CAPS2: variants seen among roughly 807,000 people sequenced by gnomAD.
CAPS2 encodes the protein calcyphosin-2.
Under a neutral mutation model 86.5 loss-of-function variants are expected in CAPS2, and 98 were observed. The observed-to-expected ratio is 1.13, with a 90% CI of 0.96 to 1.34. The LOEUF (loss-of-function observed/expected upper bound fraction) is 1.34, where lower values mean the gene tolerates loss of function less well. CAPS2 is among the 40% of genes most tolerant of loss of function. The pLI, the probability that CAPS2 is intolerant of heterozygous loss-of-function variation, is 0.00. For synonymous variants in CAPS2, 210 were observed against 225.1 expected (o/e 0.93, Z 0.60); for missense variants, 729 against 686.8 (o/e 1.06, Z -0.69).
At chr12:75,390,128 T>C (rs1025287778) in intron 1 of CAPS2, among the ~76,000 whole-genome samples, 6 of 152,248 alleles carry the variant, frequency 3.9e-5, no homozygotes, top group Non-Finnish European at 8.8e-5. Flanking sequence ...ATATGTAATA[T>C]GCAAACGTGT....
At chr12:75,382,076 T>C (rs2045025291) in intron 1 of CAPS2, among the ~76,000 whole-genome samples, 1 of 152,176 alleles carries the variant, frequency 6.6e-6, no homozygotes, top group Non-Finnish European at 1.5e-5. Context: ...CTTTTCTCCT[T>C]TAATGCTTCT....
At chr12:75,297,343 T>C (rs1243054898) in intron 11 of CAPS2, among the ~76,000 whole-genome samples, 1 of 152,196 alleles carries the variant, frequency 6.6e-6, no homozygotes, top group Non-Finnish European at 1.5e-5. Context: ...GTGTATAGTG[T>C]ATTTAAGTAT....
intron 1 of CAPS2, among the ~76,000 whole-genome samples, chr12:75,386,953 AC>A (rs2045325618): frequency 6.6e-6 from 1 of 152,144 alleles, no homozygotes. Context: ...AAAAGTATAA[AC>A]TCCCAGAAGG....
chr12:75,380,196 G>A (rs1166933264), intron 1 of CAPS2, among the ~76,000 whole-genome samples: 1 of 152,120 alleles, frequency 6.6e-6, no homozygotes, highest in Admixed American at 6.6e-5. Context: ...GCTTGCATTT[G>A]TATCTTGACA....
At chr12:75,343,621 G>A in intron 1 of CAPS2, 6 of 1,178,556 alleles carry the variant, frequency 5.1e-6, no homozygotes, top group Non-Finnish European at 7.0e-6. Context: ...AAACTTAGTT[G>A]ATTACAATAA....
chr12:75,390,605 C>G (rs553598494), intron 1 of CAPS2, among the ~76,000 whole-genome samples: 10 of 152,248 alleles, frequency 6.6e-5, no homozygotes, highest in African/African-American at 2.4e-4. Flanking sequence ...GGCCCTGCAC[C>G]AAATTTCCAA....
chr12:75,294,054 T>C (rs1415595962), intron 11 of CAPS2, among the ~76,000 whole-genome samples: 1 of 152,254 alleles, frequency 6.6e-6, no homozygotes, highest in East Asian at 1.9e-4. Flanking sequence ...TGCCTCAGTC[T>C]CCGAAGTAGC....
At chr12:75,295,565 G>T (rs1006714486) in intron 11 of CAPS2, among the ~76,000 whole-genome samples, 2 of 152,168 alleles carry the variant, frequency 1.3e-5, no homozygotes, top group Non-Finnish European at 2.9e-5. Flanking sequence ...TGTACAAGTT[G>T]CAGCTTATCA....
chr12:75,366,762 C>A (rs973759775), intron 1 of CAPS2: 1 of 639,958 alleles, frequency 1.6e-6, no homozygotes, highest in Admixed American at 2.4e-5. Flanking sequence ...GTCATTTCCA[C>A]GCTCTTATGT....
intron 5 of CAPS2, among the ~76,000 whole-genome samples, chr12:75,317,500 A>G (rs2039888544): frequency 1.3e-5 from 2 of 152,146 alleles, no homozygotes. Context: ...TTTCGAAATA[A>G]TTTTATTTTG....
intron 9 of CAPS2, among the ~76,000 whole-genome samples, chr12:75,299,254 T>C (rs1425112328): frequency 6.6e-6 from 1 of 152,212 alleles, no homozygotes; most frequent in Non-Finnish European, 1.5e-5. Context: ...ATGTGAATTA[T>C]CTTTAAAAGT....
downstream of CAPS2, chr12:75,276,003 A>C (rs2137905619): frequency 2.3e-6 from 1 of 428,284 alleles, no homozygotes; most frequent in African/African-American, 2.1e-5. Flanking sequence ...TTTATTCTTT[A>C]TTAAGTACAT....
chr12:75,358,516 C>T (rs1011963826), intron 1 of CAPS2, among the ~76,000 whole-genome samples: 3 of 150,888 alleles, frequency 2.0e-5, no homozygotes, highest in African/African-American at 7.3e-5. Flanking sequence ...CTGATGAAGG[C>T]TCCTAACAAG....
upstream of CAPS2, chr12:75,334,818 C>A (rs761858202): frequency 2.5e-6 from 4 of 1,614,122 alleles, no homozygotes; most frequent in Admixed American, 6.7e-5. Context: ...CCATCACTGA[C>A]CCACACTTTA....
At chr12:75,335,859 A>G (rs1160842691) in intron 1 of CAPS2, among the ~76,000 whole-genome samples, 1 of 152,036 alleles carries the variant, frequency 6.6e-6, no homozygotes, top group Non-Finnish European at 1.5e-5. Context: ...CTTCAACGGA[A>G]TTCAGAAATA....
At chr12:75,291,501 A>G (rs544476330) in intron 13 of CAPS2, among the ~76,000 whole-genome samples, 1 of 110,560 alleles carries the variant, frequency 9.0e-6, no homozygotes, top group African/African-American at 3.5e-5. Context: ...ATATATATAT[A>G]TATATATATA....
At chr12:75,305,751 A>G (rs2038396114) in intron 7 of CAPS2, 1 of 707,702 alleles carries the variant, frequency 1.4e-6, no homozygotes, top group Admixed American at 1.8e-5. Context: ...GACCAGAAGA[A>G]GATGATCATC....
intron 1 of CAPS2, among the ~76,000 whole-genome samples, chr12:75,374,929 G>C (rs2044571715): frequency 1.3e-5 from 2 of 152,192 alleles, no homozygotes; most frequent in Admixed American, 1.3e-4. Context: ...CATTGTCCAA[G>C]ATCCATTTAT....
intron 2 of CAPS2, among the ~76,000 whole-genome samples, chr12:75,324,174 T>A (rs907819800): frequency 6.6e-6 from 1 of 152,192 alleles, no homozygotes; most frequent in African/African-American, 2.4e-5. Context: ...CATGTCACTT[T>A]TTAAAGTAAA....
Sources: gnomAD v4.1 joint callset for allele counts (sites outside exome capture counted in the v4.1 genomes callset) on GRCh38, gnomAD v4.1.1 for gene constraint, MANE v1.5 for transcripts, NCBI Gene and HGNC (gene_info 2026-07-23, HGNC 2026-07-21) for gene names.